The following NUMBL variants were observed in gnomAD, a reference collection of about 807,000 sequenced individuals.
NUMBL encodes the protein numb-like protein.
In NUMBL, 20 loss-of-function variants were observed where a neutral mutation model predicts 48.9. The ratio of observed to expected loss-of-function variants is 0.41; its 90% confidence interval spans 0.29 to 0.59. The LOEUF (loss-of-function observed/expected upper bound fraction) is 0.59. Among genes scored for constraint, NUMBL ranks in the 20% least tolerant of loss-of-function variants. The pLI is 0.31. For missense variants in NUMBL, 660 were observed against 846.2 expected (o/e 0.78, Z 2.73); for synonymous variants, 340 against 348.7 (o/e 0.98, Z 0.28).
In NUMBL at chr19:40,666,731, T is replaced by C. The variant is rs982885090; in HGVS notation, c.*737A>G. 4 of 152,718 alleles carry C rather than the reference T, an allele frequency of 2.6e-5. No homozygotes were observed. Among genetic ancestry groups the C allele is most frequent in the Non-Finnish European group, 5.9e-5 (4 of 68,154 alleles). 9.5% of individuals were successfully genotyped at this position (152,718 alleles called of 1,614,324 possible). ...ATTGGCTGTCCTTGTATAATACAAATCTTCAAGTTTAGATACAAAAAAAAT... is the reference window on the plus strand; with the variant it reads ...ATTGGCTGTCCTTGTATAATACAAACCTTCAAGTTTAGATACAAAAAAAAT... On this transcript the variant is annotated 3_prime_UTR_variant, in exon 10 of 10. Coordinates refer to ENST00000252891, the MANE Select transcript of NUMBL (RefSeq NM_004756.5).
rs1450904557 is a variant in NUMBL, at chr19:40,688,311, G to A, written c.25-1316C>T. On this transcript the variant is annotated intron_variant, in intron 1 of 9. Transcript: ENST00000252891. This position sits in a 1 kb window ranked among gnomAD's most constrained non-coding sequence, Gnocchi z 4.6. Reference sequence around the variant, plus strand: ...CCATATAGAATCACAGCCCCGTGTGGACAGGTGCACAAAGTCACAAGCCCC... The same window carrying A: ...CCATATAGAATCACAGCCCCGTGTGAACAGGTGCACAAAGTCACAAGCCCC... 6.6e-6 allele frequency among the ~76,000 whole-genome samples: 1 copy of A among 152,172 alleles called. No individual in the cohort carries two copies. Among genetic ancestry groups the A allele is most frequent in the African/African-American group, 2.4e-5 (1 of 41,436 alleles).
rs1453290715 is a variant in NUMBL, at chr19:40,688,519, A to C, written c.25-1524T>G. Among the ~76,000 whole-genome samples, 1 of 152,158 alleles carries C rather than the reference A, an allele frequency of 6.6e-6. No individual in the cohort carries two copies. The highest frequency in any genetic ancestry group is 1.9e-4 in the East Asian group (1 of 5,196). Reference sequence around the variant, plus strand: ...TGCACAGTCAGGGGCCAATCTCATCACCAAATCACACATTCTAACACAGGT... The same window carrying C: ...TGCACAGTCAGGGGCCAATCTCATCCCCAAATCACACATTCTAACACAGGT... On this transcript the variant is annotated intron_variant, in intron 1 of 9. Coordinates refer to ENST00000252891, the MANE Select transcript of NUMBL (RefSeq NM_004756.5). The surrounding 1 kb of genome is among the most constrained non-coding windows in gnomAD (Gnocchi z 4.6).
Position 40,682,989 on chromosome 19 carries a change from G to GGA in NUMBL, c.250-22_250-21insTC, listed in dbSNP as rs753109275. The GGA allele has an allele frequency of 1.2e-6, 2 of 1,609,700 alleles. No homozygotes were observed. The highest frequency in any genetic ancestry group is 1.3e-5 in the African/African-American group (1 of 74,840). On this transcript the variant is annotated intron_variant, in intron 3 of 9. Coordinates refer to ENST00000252891, the MANE Select transcript of NUMBL (RefSeq NM_004756.5). The surrounding 1 kb of genome is among the most constrained non-coding windows in gnomAD (Gnocchi z 4.0). ...AGGTACTTGGGTTGGAGGGAATGGG[G>GGA]GGGGGGACATGAAACAGCACAGTAA...
rs1181209035 is a variant in NUMBL, at chr19:40,667,956, C to G, written c.1342G>C (p.Ala448Pro). ...ATGGTGGGCACTGGGGCCACTGAGG[C>G]TGCTTGCTGCTGTTGCTGCTGCTGC... ...QQQQQQQQQA[A>P]SVAPVPTMPP... The change falls in exon 10 of 10, where the codon GCC becomes CCC. Residue 448 changes from alanine to proline, a missense_variant. Coordinates refer to ENST00000252891, the MANE Select transcript of NUMBL (RefSeq NM_004756.5). This position sits in a 1 kb window ranked among gnomAD's most constrained non-coding sequence, Gnocchi z 6.1. The G allele has an allele frequency of 6.4e-7, 1 of 1,563,460 alleles. No homozygotes were observed. The highest frequency in any genetic ancestry group is 2.4e-5 in the East Asian group (1 of 42,296).
rs188540714 is a variant in NUMBL at position 40,687,298 on chromosome 19, C to T, written c.25-303G>A. ...ATGCATGTGCAGGGCTACACACATACGCAGCCAACTCATATCTACAGGTGT... is the reference window on the plus strand; with the variant it reads ...ATGCATGTGCAGGGCTACACACATATGCAGCCAACTCATATCTACAGGTGT... On this transcript the variant is annotated intron_variant, in intron 1 of 9. Coordinates refer to ENST00000252891, the MANE Select transcript of NUMBL (RefSeq NM_004756.5). This position sits in a 1 kb window ranked among gnomAD's most constrained non-coding sequence, Gnocchi z 4.6. Among the ~76,000 whole-genome samples the T allele has an allele frequency of 9.1e-4, 138 of 152,284 alleles. No individual in the cohort carries two copies. The highest frequency in any genetic ancestry group is 1.5e-3 in the African/African-American group (62 of 41,558).
Position 40,690,467 on chromosome 19 carries a change from G to A in NUMBL, c.17C>T (p.Ala6Val). 3 of 1,304,492 alleles carry A rather than the reference G, an allele frequency of 2.3e-6. No homozygotes were observed. The highest frequency in any genetic ancestry group is 2.9e-6 in the Non-Finnish European group (3 of 1,022,922). 80.8% of individuals were successfully genotyped at this position (1,304,492 alleles called of 1,614,324 possible). A position where few individuals can be genotyped will look rare whatever the true frequency, so the allele number is the denominator to read the frequency against. MSRSA[A>V]ASGGPRRPER... Reference sequence around the variant, plus strand: ...CTCTCCCGCCCTTCTCACGCTGGCCGCCGCGCTGCGGGACATCCAGGGCCC... The same window carrying A: ...CTCTCCCGCCCTTCTCACGCTGGCCACCGCGCTGCGGGACATCCAGGGCCC... Residue 6 changes from alanine to valine, a missense_variant, in exon 1 of 10, where the codon GCG becomes GTG. Transcript: ENST00000252891.
chr19:40,672,202 T>C (rs2081851899), intron 8 of NUMBL, among the ~76,000 whole-genome samples: 3 of 152,238 alleles, frequency 2.0e-5, no homozygotes. Context: ...TAGATCATGA[T>C]GTACACCACC....
At chr19:40,683,883 G>A (rs989984461) in intron 3 of NUMBL, among the ~76,000 whole-genome samples, 2 of 151,060 alleles carry the variant, frequency 1.3e-5, no homozygotes, top group African/African-American at 4.9e-5. Flanking sequence ...ACTCGAGTGA[G>A]CCTCCCACCT....
At chr19:40,684,214 G>A (rs1020084071) in intron 3 of NUMBL, 8 of 552,608 alleles carry the variant, frequency 1.4e-5, no homozygotes, top group Non-Finnish European at 2.2e-5. Flanking sequence ...GACTACAGGC[G>A]CCCGCCACCA....
chr19:40,672,392 A>T (rs533918868), intron 8 of NUMBL, among the ~76,000 whole-genome samples: 1 of 152,218 alleles, frequency 6.6e-6, no homozygotes, highest in South Asian at 2.1e-4. Context: ...CAGGACCTTT[A>T]TATCTCCTCT....
intron 8 of NUMBL, among the ~76,000 whole-genome samples, chr19:40,671,508 C>T (rs1013502611): frequency 6.6e-6 from 1 of 152,086 alleles, no homozygotes; most frequent in South Asian, 2.1e-4. Context: ...CTCAGGAGCA[C>T]GTGTGACAGC....
intron 3 of NUMBL, 46 bp downstream of exon 3, chr19:40,684,371 G>C (rs1192516698): frequency 9.8e-6 from 15 of 1,526,346 alleles, no homozygotes; most frequent in Non-Finnish European, 1.3e-5. Flanking sequence ...ACAGCACAGC[G>C]GCCCCCGTCC....
In NUMBL at chr19:40,669,970, G is replaced by C. The variant is rs747193586; in HGVS notation, c.1087C>G (p.Leu363Val). 1.2e-6 allele frequency: 2 copies of C among 1,614,124 alleles called. No homozygotes were observed. The highest frequency in any genetic ancestry group is 1.7e-6 in the Non-Finnish European group (2 of 1,180,000). Residue 363 changes from leucine to valine, a missense_variant, in exon 9 of 10, where the codon CTG (leucine) becomes GTG (valine). Leu to Val is a conservative substitution (Grantham distance 32). Around this residue, in one of 3 missense-constraint regions of NUMBL, gnomAD observed 296 missense variants for 339.7 expected, o/e 0.87. Coordinates refer to ENST00000252891, the MANE Select transcript of NUMBL (RefSeq NM_004756.5). ...AAAGATGAACTGATCTGTGTGCACA[G>C]AGCGTTGATGCTGTCACTGTCGCCG... ...GAGDSDSINA[L>V]CTQISSSFAS...
intron 2 of NUMBL, 116 bp downstream of exon 2, chr19:40,686,795 G>C (rs2081937201): frequency 1.4e-6 from 1 of 691,552 alleles, no homozygotes; most frequent in Non-Finnish European, 2.5e-6. Context: ...GATGCCTGAG[G>C]GTGTCCACTC....
chr19:40,670,616 A>T (rs1348490256), intron 8 of NUMBL, among the ~76,000 whole-genome samples: 5 of 152,210 alleles, frequency 3.3e-5, no homozygotes, highest in African/African-American at 9.6e-5. Flanking sequence ...TGTGTGACAC[A>T]TGTCTGTGAT....
chr19:40,668,219 G>A, intron 9 of NUMBL, 81 bp from the exon 10 acceptor site: 2 of 1,484,438 alleles, frequency 1.3e-6, no homozygotes, highest in Non-Finnish European at 1.8e-6. Flanking sequence ...GGCATGGTGT[G>A]GGGATCAGAG....
chr19:40,671,748 G>C (rs1248532052), intron 8 of NUMBL, among the ~76,000 whole-genome samples: 1 of 152,212 alleles, frequency 6.6e-6, no homozygotes, highest in African/African-American at 2.4e-5. Context: ...TGGCATCCAG[G>C]AGCAAGAGAG....
intron 8 of NUMBL, among the ~76,000 whole-genome samples, chr19:40,672,214 G>T (rs1258402706): frequency 6.6e-6 from 1 of 152,184 alleles, no homozygotes; most frequent in Admixed American, 6.5e-5. Context: ...TACACCACCT[G>T]TCTCCTTTCC....
intron 3 of NUMBL, 183 bp downstream of exon 3, chr19:40,684,234 A>C: frequency 1.6e-6 from 1 of 612,498 alleles, no homozygotes; most frequent in Non-Finnish European, 2.7e-6. Flanking sequence ...ACGCGAGGCT[A>C]ATTTGTTGTA....
Sources: allele counts gnomAD v4.1 joint callset (sites outside exome capture counted in the v4.1 genomes callset), GRCh38; gene constraint gnomAD v4.1.1; regional missense constraint gnomAD v4.1.1; non-coding constraint Gnocchi (gnomAD v3.1); transcripts MANE v1.5; gene names NCBI Gene and HGNC (gene_info 2026-07-23, HGNC 2026-07-21).